Variants in GBE1 observed in about 807,000 individuals in gnomAD.
GBE1 encodes 1,4-alpha-glucan-branching enzyme.
Under a neutral mutation model 88.8 loss-of-function variants are expected in GBE1, and 70 were observed. The ratio of observed to expected loss-of-function variants is 0.79; its 90% CI spans 0.65 to 0.96. The LOEUF (loss-of-function observed/expected upper bound fraction) is 0.96, where lower values mean the gene tolerates loss of function less well. Among genes scored for constraint, GBE1 ranks in the 40% least tolerant of loss-of-function variants. The probability of loss-of-function intolerance (pLI) is 0.00; values close to 1 mark genes in which losing one functional copy is unlikely to be tolerated. For synonymous variants in GBE1, 284 were observed against 300.1 expected (o/e 0.95, Z 0.56); for missense variants, 872 against 871.0 (o/e 1.00, Z -0.01).
At chr3:81,547,625 T>TTCTCTCTCTCTCTCTCTCTCTC (rs56681369) in intron 12 of GBE1, among the ~76,000 whole-genome samples, 3 of 138,282 alleles carry the variant, frequency 2.2e-5, no homozygotes, top group Non-Finnish European at 3.2e-5. Context: ...GGTTCGTTTG[T>TTCTCTCTCTCTCTCTCTCTCTC]TCTCTCTCTC....
At chr3:81,558,830 T>C (rs1164536155) in intron 12 of GBE1, among the ~76,000 whole-genome samples, 2 of 152,076 alleles carry the variant, frequency 1.3e-5, no homozygotes, top group Non-Finnish European at 2.9e-5. Context: ...CTGATTAAAA[T>C]GAACAGATGT....
At chr3:81,613,033 A>C in intron 7 of GBE1, 1 of 636,618 alleles carries the variant, frequency 1.6e-6, no homozygotes, top group Non-Finnish European at 2.4e-6. Context: ...GAAGATGAAG[A>C]TGATGAAGGG....
At chr3:81,623,414 A>G (rs1704359926) in intron 7 of GBE1, among the ~76,000 whole-genome samples, 1 of 152,208 alleles carries the variant, frequency 6.6e-6, no homozygotes, top group Non-Finnish European at 1.5e-5. Context: ...GCCACTTTAC[A>G]ACATAACACT....
intron 12 of GBE1, among the ~76,000 whole-genome samples, chr3:81,544,899 A>AT (rs919137187): frequency 3.3e-5 from 5 of 152,082 alleles, no homozygotes; most frequent in Admixed American, 6.6e-5. Flanking sequence ...AGGTTTGTGT[A>AT]TTTTTTTTCT....
At chr3:81,631,807 T>C (rs1364362620) in intron 7 of GBE1, among the ~76,000 whole-genome samples, 1 of 152,124 alleles carries the variant, frequency 6.6e-6, no homozygotes, top group African/African-American at 2.4e-5. Flanking sequence ...AATTATATTT[T>C]ACTTTTTTTA....
At chr3:81,669,874 C>A (rs545970111) in intron 3 of GBE1, among the ~76,000 whole-genome samples, 1 of 152,064 alleles carries the variant, frequency 6.6e-6, no homozygotes, top group African/African-American at 2.4e-5. Context: ...TTTACATACA[C>A]TTATAATTTC....
At chr3:81,737,332 T>C (rs1575771674) in intron 1 of GBE1, among the ~76,000 whole-genome samples, 1 of 65,408 alleles carries the variant, frequency 1.5e-5, no homozygotes, top group Non-Finnish European at 3.0e-5. Context: ...TATATATATT[T>C]TTATATATAT....
At chr3:81,743,409 A>C in intron 1 of GBE1, 1 of 551,516 alleles carries the variant, frequency 1.8e-6, no homozygotes, top group Non-Finnish European at 3.2e-6. Context: ...ATATAAAAAG[A>C]CACAAGGCAC....
At chr3:81,701,467 A>G (rs1017996625) in intron 2 of GBE1, among the ~76,000 whole-genome samples, 6 of 152,110 alleles carry the variant, frequency 3.9e-5, no homozygotes, top group Non-Finnish European at 8.8e-5. Flanking sequence ...TTTGAAATTA[A>G]CAGTAATTTT....
intron 7 of GBE1, among the ~76,000 whole-genome samples, chr3:81,595,120 A>T (rs1300365910): frequency 6.6e-6 from 1 of 150,554 alleles, no homozygotes; most frequent in Non-Finnish European, 1.5e-5. Flanking sequence ...TCGAAAATTT[A>T]CTAAGTTAAA....
At chr3:81,503,167 G>C (rs1244980416) in intron 14 of GBE1, among the ~76,000 whole-genome samples, 2 of 152,134 alleles carry the variant, frequency 1.3e-5, no homozygotes, top group African/African-American at 4.8e-5. Flanking sequence ...CAATGTACAA[G>C]ATATTGTGCA....
At chr3:81,560,006 A>C (rs1703396318) in intron 12 of GBE1, among the ~76,000 whole-genome samples, 2 of 152,026 alleles carry the variant, frequency 1.3e-5, no homozygotes, top group Admixed American at 6.6e-5. Flanking sequence ...AAAGAGACAG[A>C]TCCTTATATG....
intron 3 of GBE1, among the ~76,000 whole-genome samples, chr3:81,659,542 G>C (rs2107094254): frequency 6.8e-6 from 1 of 148,076 alleles, no homozygotes; most frequent in Admixed American, 6.7e-5. Flanking sequence ...TAGAGATGGG[G>C]TTTCACCATA....
intron 14 of GBE1, among the ~76,000 whole-genome samples, chr3:81,501,294 G>C (rs1702583233): frequency 6.6e-6 from 1 of 152,202 alleles, no homozygotes; most frequent in South Asian, 2.1e-4. Context: ...TAGTAGGTTT[G>C]TTTGTACAGG....
At chr3:81,646,837 A>G (rs887598054) in intron 5 of GBE1, among the ~76,000 whole-genome samples, 2 of 152,224 alleles carry the variant, frequency 1.3e-5, no homozygotes, top group Admixed American at 6.5e-5. Context: ...AGCTAAATAA[A>G]AATAACCAAT....
At chr3:81,738,201 C>T (rs1411485713) in intron 1 of GBE1, among the ~76,000 whole-genome samples, 19 of 151,384 alleles carry the variant, frequency 1.3e-4, no homozygotes, top group African/African-American at 2.9e-4. Context: ...TGAATAGTGC[C>T]GCAATAAACA....
At chr3:81,659,300 A>G (rs939108554) in intron 3 of GBE1, among the ~76,000 whole-genome samples, 1 of 151,994 alleles carries the variant, frequency 6.6e-6, no homozygotes, top group Non-Finnish European at 1.5e-5. Flanking sequence ...TCATTTGAAG[A>G]AAAAAATATG....
At chr3:81,713,369 C>CA (rs2107179629) in intron 1 of GBE1, among the ~76,000 whole-genome samples, 1 of 152,212 alleles carries the variant, frequency 6.6e-6, no homozygotes, top group South Asian at 2.1e-4. Flanking sequence ...TGTGTGTAGT[C>CA]AGAGCAGGAG....
chr3:81,578,467 T>C (rs1349127727), intron 11 of GBE1, among the ~76,000 whole-genome samples: 1 of 151,388 alleles, frequency 6.6e-6, no homozygotes, highest in East Asian at 1.9e-4. Context: ...ATATAATGAT[T>C]TTATTTGCTT....
Sources: allele counts gnomAD v4.1 joint callset (sites outside exome capture counted in the v4.1 genomes callset), GRCh38; gene constraint gnomAD v4.1.1; transcripts MANE v1.5; gene names NCBI Gene and HGNC (gene_info 2026-07-23, HGNC 2026-07-21).